PI15: variants seen among roughly 807,000 people sequenced by gnomAD.
The protein encoded by PI15 is peptidase inhibitor 15.
PI15 carries 18 observed loss-of-function variants against 31.0 expected under a neutral mutation model. The observed-to-expected ratio is 0.58, with a 90% CI of 0.40 to 0.86. The LOEUF (loss-of-function observed/expected upper bound fraction) is 0.86. Ranked by LOEUF, PI15 falls within the 40% of genes least tolerant of loss-of-function variation. The pLI, the probability that PI15 is intolerant of heterozygous loss-of-function variation, is 0.00. For missense variants in PI15, 282 were observed against 328.1 expected (o/e 0.86, Z 1.09); for synonymous variants, 118 against 119.1 (o/e 0.99, Z 0.06).
At chr8:74,848,794 T>C (rs1811062382) in intron 5 of PI15, among the ~76,000 whole-genome samples, 1 of 148,918 alleles carries the variant, frequency 6.7e-6, no homozygotes, top group South Asian at 2.1e-4. Flanking sequence ...AGTGCAGTGG[T>C]GCCATCTCAG....
chr8:74,849,309 A>G lies in PI15; in HGVS notation c.*56A>G, dbSNP rs1472270644. ...TTTCTGGGAACATGGGCATGTATATATATATATGGAGAGAGAATTTTGCAC... is the reference window on the plus strand; with the variant it reads ...TTTCTGGGAACATGGGCATGTATATGTATATATGGAGAGAGAATTTTGCAC... On this transcript the variant is annotated 3_prime_UTR_variant, in exon 6 of 6. Transcript: ENST00000260113. The G allele has an allele frequency of 7.3e-6, 10 of 1,370,538 alleles. No homozygotes were observed. The highest frequency in any genetic ancestry group is 7.1e-6 in the Non-Finnish European group (7 of 989,494). 84.9% of individuals were successfully genotyped at this position (1,370,538 alleles called of 1,614,324 possible). A position where few individuals can be genotyped will look rare whatever the true frequency, so the allele number is the denominator to read the frequency against.
intron 2 of PI15, among the ~76,000 whole-genome samples, chr8:74,831,033 G>A (rs1006158708): frequency 2.0e-5 from 3 of 152,142 alleles, no homozygotes; most frequent in Admixed American, 6.5e-5. Flanking sequence ...CACGGTGCAC[G>A]TTGCTTATTA....
chr8:74,832,417 A>G (rs1031440202), intron 2 of PI15, among the ~76,000 whole-genome samples: 17 of 152,250 alleles, frequency 1.1e-4, no homozygotes, highest in African/African-American at 4.1e-4. Context: ...TCGGTAGTCA[A>G]AATGAACCAC....
chr8:74,833,427 T>C (rs1053048295), intron 2 of PI15, among the ~76,000 whole-genome samples: 4 of 152,090 alleles, frequency 2.6e-5, no homozygotes, highest in African/African-American at 9.7e-5. Context: ...TATAATTCTG[T>C]TTCTGATTAT....
chr8:74,838,133 C>T (rs760590784), intron 2 of PI15, among the ~76,000 whole-genome samples: 7 of 151,622 alleles, frequency 4.6e-5, no homozygotes, highest in East Asian at 1.9e-4. Context: ...GATAATAATA[C>T]TTTCCATATA....
At chr8:74,843,148 TATC>T (rs1320746465) in intron 2 of PI15, among the ~76,000 whole-genome samples, 1 of 152,204 alleles carries the variant, frequency 6.6e-6, no homozygotes, top group African/African-American at 2.4e-5. Flanking sequence ...AATATATTAA[TATC>T]ATGGCTTTTG....
intron 1 of PI15, 61 bp from the exon 2 acceptor site, chr8:74,825,145 GTAAA>G: frequency 2.0e-5 from 18 of 909,364 alleles, no homozygotes; most frequent in Non-Finnish European, 2.9e-5. Flanking sequence ...TGATGTCTTT[GTAAA>G]TTCATACCCT....
At chr8:74,841,251 A>T (rs1487868598) in intron 2 of PI15, among the ~76,000 whole-genome samples, 1 of 152,224 alleles carries the variant, frequency 6.6e-6, no homozygotes, top group Non-Finnish European at 1.5e-5. Context: ...TTTCTCCATG[A>T]TATGGAAAAC....
chr8:74,828,607 T>TGAAA (rs1027657200), intron 2 of PI15, among the ~76,000 whole-genome samples: 1 of 152,082 alleles, frequency 6.6e-6, no homozygotes, highest in Non-Finnish European at 1.5e-5. Context: ...TGTGAGCATG[T>TGAAA]GAAAGATAGT....
intron 2 of PI15, among the ~76,000 whole-genome samples, chr8:74,833,149 T>C (rs1810812103): frequency 6.6e-6 from 1 of 152,092 alleles, no homozygotes; most frequent in Non-Finnish European, 1.5e-5. Context: ...TATTAAAATA[T>C]ACCATTGAGT....
chr8:74,828,707 T>C (rs1810735409), intron 2 of PI15, among the ~76,000 whole-genome samples: 3 of 152,214 alleles, frequency 2.0e-5, no homozygotes, highest in Non-Finnish European at 4.4e-5. Flanking sequence ...TCACCAGCTG[T>C]GTGTTCAACT....
chr8:74,832,507 A>G lies in PI15; in HGVS notation c.273+6985A>G, dbSNP rs541745786. Among the ~76,000 whole-genome samples, 188 of 152,230 alleles carry G rather than the reference A, an allele frequency of 1.2e-3. 1 individual carries two copies. Among genetic ancestry groups the G allele is most frequent in the African/African-American group, 4.4e-3 (182 of 41,528 alleles). Reference sequence around the variant, plus strand: ...ATACCTGGGAATCTACTCAACAAATATGCAAGAAAATACCCCCCTCTGTTT... The same window carrying G: ...ATACCTGGGAATCTACTCAACAAATGTGCAAGAAAATACCCCCCTCTGTTT... On this transcript the variant is annotated intron_variant, in intron 2 of 5. Transcript: ENST00000260113.
At position 74,853,492 on chromosome 8, in the gene PI15, C is replaced by A. The variant is rs1811135664; in HGVS notation, c.*4239C>A. 2 of 152,388 alleles carry A rather than the reference C, an allele frequency of 1.3e-5. No homozygotes were observed. The highest frequency in any genetic ancestry group is 4.8e-5 in the African/African-American group (2 of 41,398). The allele number at this position is 152,388 out of a possible 1,614,324, so 9.4% of individuals were successfully genotyped here. A position where few individuals can be genotyped will look rare whatever the true frequency, so the allele number is the denominator to read the frequency against. ...AATATATTTCTTTGGGAGTTATTTT[C>A]TTTTTAAAATCTTTTTATAGCTTGG... is the stretch of plus-strand genomic sequence containing the variant. On this transcript the variant is annotated 3_prime_UTR_variant, in exon 6 of 6. Transcript: ENST00000260113.
At chr8:74,847,529 T>C (rs532877673) in intron 5 of PI15, among the ~76,000 whole-genome samples, 5 of 152,154 alleles carry the variant, frequency 3.3e-5, no homozygotes, top group African/African-American at 4.8e-5. Context: ...ACTCATAAGA[T>C]AATAGGTCCC....
intron 5 of PI15, 90 bp from the exon 6 acceptor site, chr8:74,849,028 C>A: frequency 1.9e-6 from 2 of 1,079,398 alleles, no homozygotes; most frequent in Non-Finnish European, 2.7e-6. Context: ...CATCACATGT[C>A]AATACTTGTG....
intron 2 of PI15, among the ~76,000 whole-genome samples, chr8:74,826,824 C>A (rs1366695902): frequency 2.6e-5 from 4 of 151,922 alleles, no homozygotes; most frequent in Non-Finnish European, 5.9e-5. Context: ...GTAATCAGAC[C>A]AGAGCCTGTT....
At chr8:74,845,361 T>C (rs372393754) in intron 4 of PI15, 21 bp from the exon 5 acceptor site, 1 of 1,596,596 alleles carries the variant, frequency 6.3e-7, no homozygotes, top group African/African-American at 1.3e-5. Context: ...TCTGTAACAG[T>C]TTATTGGTTT....
intron 2 of PI15, among the ~76,000 whole-genome samples, chr8:74,842,646 G>A (rs1242011866): frequency 6.6e-6 from 1 of 151,972 alleles, no homozygotes; most frequent in African/African-American, 2.4e-5. Context: ...TTTATTACTG[G>A]CAGGTCTGCA....
intron 2 of PI15, among the ~76,000 whole-genome samples, chr8:74,841,873 G>A (rs540833535): frequency 6.6e-6 from 1 of 152,288 alleles, no homozygotes; most frequent in African/African-American, 2.4e-5. Flanking sequence ...ACCTCTGTGA[G>A]TGAGTTTATT....
Sources: gnomAD v4.1 joint callset for allele counts (sites outside exome capture counted in the v4.1 genomes callset) on GRCh38, gnomAD v4.1.1 for gene constraint, MANE v1.5 for transcripts, NCBI Gene and HGNC (gene_info 2026-07-23, HGNC 2026-07-21) for gene names.